PDE8A: variants seen among roughly 807,000 people sequenced by gnomAD.
The protein encoded by PDE8A is phosphodiesterase 8A, also known as high affinity cAMP-specific and IBMX-insensitive 3',5'-cyclic phosphodiesterase 8A.
Under a neutral mutation model 105.0 loss-of-function variants are expected in PDE8A, and 59 were observed. The observed-to-expected ratio is 0.56, with a 90% CI of 0.46 to 0.70. The LOEUF (loss-of-function observed/expected upper bound fraction) is 0.70, where lower values mean the gene tolerates loss of function less well. PDE8A is among the 30% of genes least tolerant of loss of function. The pLI is 0.00. For missense variants in PDE8A, 1,014 were observed against 1,045.9 expected (o/e 0.97, Z 0.42); for synonymous variants, 355 against 371.9 (o/e 0.95, Z 0.52).
chr15:85,068,343 C>T (rs1486193155), intron 3 of PDE8A, among the ~76,000 whole-genome samples: 1 of 152,086 alleles, frequency 6.6e-6, no homozygotes, highest in African/African-American at 2.4e-5. Context: ...CTGTGCCCGC[C>T]CTACCCCAGA....
chr15:85,010,430 AC>A (rs1226418178), intron 1 of PDE8A, among the ~76,000 whole-genome samples: 1 of 152,098 alleles, frequency 6.6e-6, no homozygotes, highest in East Asian at 1.9e-4. Context: ...CATTTTGGAA[AC>A]CTTATCTGAT....
chr15:85,004,000 G>A (rs779050530), intron 1 of PDE8A, among the ~76,000 whole-genome samples: 1 of 152,164 alleles, frequency 6.6e-6, no homozygotes, highest in Non-Finnish European at 1.5e-5. Flanking sequence ...GGTTTTTAAC[G>A]GCCAGGTCTA....
At chr15:85,014,969 C>A (rs1369583955) in intron 1 of PDE8A, among the ~76,000 whole-genome samples, 3 of 152,148 alleles carry the variant, frequency 2.0e-5, no homozygotes, top group Admixed American at 6.5e-5. Flanking sequence ...AACCACTAAT[C>A]TATTTTCTGT....
chr15:85,047,784 A>G (rs1449723118), intron 1 of PDE8A, among the ~76,000 whole-genome samples: 1 of 152,170 alleles, frequency 6.6e-6, no homozygotes, highest in Non-Finnish European at 1.5e-5. Flanking sequence ...CCTAGGAGGG[A>G]TGAGCCTTTT....
intron 8 of PDE8A, among the ~76,000 whole-genome samples, chr15:85,096,748 A>G (rs1025205280): frequency 2.0e-5 from 3 of 151,418 alleles, no homozygotes; most frequent in African/African-American, 7.3e-5. Context: ...CCTCCCTTCT[A>G]CTCCAGTGTG....
intron 16 of PDE8A, among the ~76,000 whole-genome samples, chr15:85,117,176 G>A (rs1242225859): frequency 6.6e-6 from 1 of 152,198 alleles, no homozygotes; most frequent in African/African-American, 2.4e-5. Flanking sequence ...CATTGCATAC[G>A]GCAGTGTCTG....
intron 11 of PDE8A, among the ~76,000 whole-genome samples, chr15:85,107,318 C>T (rs1467361532): frequency 6.6e-6 from 1 of 152,194 alleles, no homozygotes; most frequent in Non-Finnish European, 1.5e-5. Flanking sequence ...CTCTGGGTGC[C>T]ACACTGAGGA....
chr15:85,037,158 C>T (rs560511322), intron 1 of PDE8A, among the ~76,000 whole-genome samples: 8 of 152,068 alleles, frequency 5.3e-5, no homozygotes, highest in African/African-American at 1.7e-4. Context: ...CTCTCCCTCC[C>T]GGGTTCAAGG....
At position 85,079,135 on chromosome 15, in the gene PDE8A, A is replaced by G. The variant is rs577373351; in HGVS notation, c.546+2348A>G. ...TATAGATGTACCCACACTTATGCAT[A>G]TATGTATAAGATTAGTCCCAAACAG... On this transcript the variant is annotated intron_variant, in intron 5 of 21. Transcript: ENST00000394553. 5.9e-5 allele frequency among the ~76,000 whole-genome samples: 9 copies of G among 152,346 alleles called. No individual in the cohort carries two copies. In the East Asian group the frequency reaches 1.7e-3, roughly 29 times the overall value.
At chr15:85,005,871 G>C (rs938466871) in intron 1 of PDE8A, among the ~76,000 whole-genome samples, 2 of 152,098 alleles carry the variant, frequency 1.3e-5, no homozygotes, top group Non-Finnish European at 2.9e-5. Context: ...AACATGGCGA[G>C]AACTGACCAA....
chr15:85,123,205 T>G lies in PDE8A; in HGVS notation c.2085+12T>G. The G allele has an allele frequency of 6.2e-7, 1 of 1,613,634 alleles. No homozygotes were observed. Among genetic ancestry groups the G allele is most frequent in the Non-Finnish European group, 8.5e-7 (1 of 1,179,648 alleles). ...TAGAAGAAAATGGGGTAAGGGAAACTTATTGCAAAGAGAACCTGTGTTTGG... is the reference window on the plus strand; with the variant it reads ...TAGAAGAAAATGGGGTAAGGGAAACGTATTGCAAAGAGAACCTGTGTTTGG... On this transcript the variant is annotated intron_variant, in intron 19 of 21. Transcript: ENST00000394553.
chr15:85,084,151 AAAAT>A (rs755794231), intron 6 of PDE8A, among the ~76,000 whole-genome samples: 9 of 152,168 alleles, frequency 5.9e-5, no homozygotes, highest in African/African-American at 2.4e-5. Flanking sequence ...TGACAAAAGA[AAAAT>A]AAAGTCAGCA....
At chr15:85,109,228 A>G (rs2081987557) in intron 12 of PDE8A, 98 bp downstream of exon 12, 5 of 716,524 alleles carry the variant, frequency 7.0e-6, no homozygotes, top group East Asian at 2.7e-5. Flanking sequence ...TCTACCTCCA[A>G]TTCTTGGGAG....
intron 7 of PDE8A, among the ~76,000 whole-genome samples, chr15:85,089,750 G>A (rs1237000354): frequency 6.6e-6 from 1 of 152,150 alleles, no homozygotes; most frequent in African/African-American, 2.4e-5. Flanking sequence ...GTACGAAGGG[G>A]AATGCCCTGA....
chr15:84,996,873 C>T (rs1184296784), intron 1 of PDE8A, among the ~76,000 whole-genome samples: 1 of 138,760 alleles, frequency 7.2e-6, no homozygotes, highest in Non-Finnish European at 1.5e-5. Flanking sequence ...ATATAAGGCA[C>T]TTAGCATGAA....
intron 2 of PDE8A, among the ~76,000 whole-genome samples, chr15:85,066,204 G>T (rs1267885623): frequency 6.6e-6 from 1 of 152,076 alleles, no homozygotes; most frequent in African/African-American, 2.4e-5. Context: ...AATTCTTTTA[G>T]TTTCAAGATA....
chr15:84,986,480 T>C (rs2079804364), intron 1 of PDE8A, among the ~76,000 whole-genome samples: 1 of 152,150 alleles, frequency 6.6e-6, no homozygotes, highest in Admixed American at 6.5e-5. Flanking sequence ...CTAGCCCACC[T>C]TCCTGCACAA....
At chr15:85,120,577 T>G in intron 17 of PDE8A, 1 of 456,430 alleles carries the variant, frequency 2.2e-6, no homozygotes, top group Non-Finnish European at 3.9e-6. Flanking sequence ...AGAACACCTG[T>G]ATTTTGGTAA....
chr15:85,039,880 A>G (rs1018505988), intron 1 of PDE8A, among the ~76,000 whole-genome samples: 1 of 152,232 alleles, frequency 6.6e-6, no homozygotes, highest in Non-Finnish European at 1.5e-5. Context: ...TGTGGAATAT[A>G]CAAAAGTTGA....
Sources: gnomAD v4.1 joint callset for allele counts (sites outside exome capture counted in the v4.1 genomes callset) on GRCh38, gnomAD v4.1.1 for gene constraint, MANE v1.5 for transcripts, NCBI Gene and HGNC (gene_info 2026-07-23, HGNC 2026-07-21) for gene names.